MS4A4E: variants seen among roughly 807,000 people sequenced by gnomAD.
The protein encoded by MS4A4E is putative membrane-spanning 4-domains subfamily A member 4E.
MS4A4E carries 23 observed loss-of-function variants against 13.3 expected under a neutral mutation model. That is an observed-to-expected ratio of 1.73 (90% CI 1.25 to 2.45). The LOEUF (loss-of-function observed/expected upper bound fraction) is 2.45, where lower values mean the gene tolerates loss of function less well. Ranked by LOEUF, MS4A4E falls within the 30% of genes most tolerant of loss-of-function variation. The pLI, the probability that MS4A4E is intolerant of heterozygous loss-of-function variation, is 0.00. For missense variants in MS4A4E, 144 were observed against 131.2 expected, an observed-to-expected ratio of 1.10 and a Z score of -0.48; for synonymous variants, 36 against 45.6, an observed-to-expected ratio of 0.79 and a Z score of 0.85.
intron 3 of MS4A4E, among the ~76,000 whole-genome samples, chr11:60,220,391 C>T (rs975249177): frequency 1.3e-5 from 2 of 152,158 alleles, no homozygotes; most frequent in South Asian, 2.1e-4. Context: ...TTCTCCATTC[C>T]TGTCTATAAG....
chr11:60,206,139 A>G (rs562571086), intron 6 of MS4A4E, among the ~76,000 whole-genome samples: 84 of 152,266 alleles, frequency 5.5e-4, no homozygotes, highest in Admixed American at 2.0e-3. Flanking sequence ...TCTCCACTTC[A>G]TGAAGGAAAA....
At chr11:60,234,483 T>A in intron 1 of MS4A4E, among the ~76,000 whole-genome samples, 1 of 152,154 alleles carries the variant, frequency 6.6e-6, no homozygotes, top group East Asian at 1.9e-4. Context: ...AATGTCATTA[T>A]CATGGGAGAG....
chr11:60,234,394 T>C (rs2084453624), intron 1 of MS4A4E, among the ~76,000 whole-genome samples: 2 of 152,176 alleles, frequency 1.3e-5, no homozygotes. Context: ...GAAAACTTAA[T>C]TGCCATTGTA....
intron 3 of MS4A4E, among the ~76,000 whole-genome samples, chr11:60,222,989 G>T (rs934765019): frequency 6.6e-6 from 1 of 152,094 alleles, no homozygotes; most frequent in African/African-American, 2.4e-5. Context: ...CCCAATCTGG[G>T]CAGGACTACA....
chr11:60,242,862 AT>A (rs989067891), intron 1 of MS4A4E, 95 bp downstream of exon 1: 338 of 874,610 alleles, frequency 3.9e-4, no homozygotes, highest in Middle Eastern at 6.3e-4. Context: ...AAGTGACCTC[AT>A]TTTTTTTTCT....
intron 5 of MS4A4E, among the ~76,000 whole-genome samples, chr11:60,209,477 C>T (rs1041522875): frequency 1.3e-5 from 2 of 152,132 alleles, no homozygotes; most frequent in Non-Finnish European, 2.9e-5. Context: ...CCAGTGAGAC[C>T]CACTTTGAAC....
chr11:60,228,461 A>T, intron 3 of MS4A4E, 133 bp downstream of exon 3: 1 of 530,312 alleles, frequency 1.9e-6, no homozygotes, highest in Non-Finnish European at 3.3e-6. Flanking sequence ...GCTAGCAATT[A>T]TGTAGAACAG....
intron 3 of MS4A4E, among the ~76,000 whole-genome samples, chr11:60,224,275 A>G (rs1200885784): frequency 6.6e-6 from 1 of 152,230 alleles, no homozygotes; most frequent in Non-Finnish European, 1.5e-5. Flanking sequence ...AGTCACTGTT[A>G]TTAAACTTAT....
chr11:60,229,443 C>A (rs1490682084), intron 2 of MS4A4E, among the ~76,000 whole-genome samples: 2 of 152,022 alleles, frequency 1.3e-5, no homozygotes, highest in East Asian at 1.9e-4. Context: ...TGTTTTAATT[C>A]TATATTGTTT....
rs576570080 is a variant in MS4A4E at position 60,214,825 on chromosome 11, T to G, written c.179-211A>C. On this transcript the variant is annotated intron_variant, in intron 3 of 8. Coordinates refer to ENST00000651255, the MANE Select transcript of MS4A4E (RefSeq NM_001393391.1). ...CCAGATGAGTCCACCGGATAATTTA[T>G]CAAGCCTTTCAAATAATAGCTAACT... 2.0e-5 allele frequency among the ~76,000 whole-genome samples: 3 copies of G among 152,292 alleles called. No individual in the cohort carries two copies. The South Asian group carries it at 6.2e-4, about 32-fold the overall frequency.
At chr11:60,202,952 T>C (rs954776708) in intron 8 of MS4A4E, among the ~76,000 whole-genome samples, 29 of 152,214 alleles carry the variant, frequency 1.9e-4, no homozygotes, top group African/African-American at 7.0e-4. Context: ...TTTGAAACAG[T>C]AATATTATAA....
intron 1 of MS4A4E, among the ~76,000 whole-genome samples, chr11:60,238,952 C>T (rs2084516146): frequency 6.6e-6 from 1 of 152,158 alleles, no homozygotes; most frequent in Non-Finnish European, 1.5e-5. Flanking sequence ...TTCCCAGATA[C>T]ATACAAAGAG....
intron 2 of MS4A4E, 60 bp from the exon 3 acceptor site, chr11:60,228,687 G>A (rs2084372773): frequency 2.9e-6 from 2 of 687,744 alleles, no homozygotes; most frequent in African/African-American, 1.8e-5. Context: ...AAGCCATCAA[G>A]ATGTCCTTCT....
intron 5 of MS4A4E, among the ~76,000 whole-genome samples, 189 bp downstream of exon 5, chr11:60,212,785 G>C (rs1187869312): frequency 6.6e-6 from 1 of 152,134 alleles, no homozygotes; most frequent in Admixed American, 6.5e-5. Context: ...ATCACATATA[G>C]AGGAAAAATA....
intron 3 of MS4A4E, among the ~76,000 whole-genome samples, chr11:60,219,799 G>C (rs1232083940): frequency 1.5e-4 from 23 of 152,184 alleles, no homozygotes; most frequent in Admixed American, 1.5e-3. Context: ...CTGACTCTGA[G>C]CTGACATTGA....
intron 1 of MS4A4E, among the ~76,000 whole-genome samples, chr11:60,231,236 T>C (rs1448785328): frequency 1.3e-5 from 2 of 151,890 alleles, no homozygotes; most frequent in Non-Finnish European, 2.9e-5. Flanking sequence ...CATTCAAAAT[T>C]ATGAAAAGCA....
At position 60,201,488 on chromosome 11, in the gene MS4A4E, A is replaced by G. The variant is rs1405354137; in HGVS notation, c.*55T>C. The G allele has an allele frequency of 3.2e-5, 8 of 253,704 alleles. No individual in the cohort carries two copies. In the East Asian group the frequency reaches 1.0e-3, roughly 32 times the overall value. The allele number at this position is 253,704 out of a possible 1,614,324, so 15.7% of individuals were successfully genotyped here. Reference sequence around the variant, plus strand: ...CTCCCAGACGGGGTCGCGGCCGGGCAGAGGTGCTCCTCACATCCCAGACAG... The same window carrying G: ...CTCCCAGACGGGGTCGCGGCCGGGCGGAGGTGCTCCTCACATCCCAGACAG... On this transcript the variant is annotated 3_prime_UTR_variant, in exon 9 of 9. Transcript: ENST00000651255.
chr11:60,242,855 T>G, intron 1 of MS4A4E, 103 bp downstream of exon 1: 1 of 789,190 alleles, frequency 1.3e-6, no homozygotes, highest in Non-Finnish European at 2.0e-6. Flanking sequence ...TCATGGGAAG[T>G]GACCTCATTT....
intron 3 of MS4A4E, among the ~76,000 whole-genome samples, chr11:60,217,650 T>C (rs2084213583): frequency 6.6e-6 from 1 of 152,210 alleles, no homozygotes; most frequent in Non-Finnish European, 1.5e-5. Flanking sequence ...CCCAAATTAA[T>C]ACTTTTATAA....
Sources: allele counts gnomAD v4.1 joint callset (sites outside exome capture counted in the v4.1 genomes callset), GRCh38; gene constraint gnomAD v4.1.1; transcripts MANE v1.5; gene names NCBI Gene and HGNC (gene_info 2026-07-23, HGNC 2026-07-21).